Variants in CYRIA observed in about 807,000 individuals in gnomAD.
The protein encoded by CYRIA is CYFIP related Rac1 interactor A.
In CYRIA, 15 loss-of-function variants were observed where a neutral mutation model predicts 43.9. The observed-to-expected ratio is 0.34, with a 90% CI of 0.23 to 0.53. The LOEUF (loss-of-function observed/expected upper bound fraction) is 0.53. CYRIA is among the 20% of genes least tolerant of loss of function. The pLI is 0.94. For missense variants in CYRIA, 236 were observed against 394.2 expected (o/e 0.60, Z 3.40); for synonymous variants, 117 against 136.0 (o/e 0.86, Z 0.97).
intron 1 of CYRIA, among the ~76,000 whole-genome samples, chr2:16,651,170 C>T (rs1264579299): frequency 6.6e-6 from 1 of 152,140 alleles, no homozygotes; most frequent in Non-Finnish European, 1.5e-5. Flanking sequence ...CATGACAATT[C>T]ACACCTTTGG....
In CYRIA at chr2:16,609,935, C is replaced by T. The variant is rs1668534373; in HGVS notation, c.-11+13929G>A. Among the ~76,000 whole-genome samples the T allele has an allele frequency of 5.9e-5, 9 of 152,306 alleles. No individual in the cohort carries two copies. The South Asian group carries it at 1.9e-3, about 32-fold the overall frequency. On this transcript the variant is annotated intron_variant, in intron 2 of 11. Coordinates refer to ENST00000381323, the MANE Select transcript of CYRIA (RefSeq NM_030797.4). Reference sequence around the variant, plus strand: ...TCTGAGTGTGGTCTGCCCAGAAGGACTGCATCTCGCTTCCATCTGGACACT... The same window carrying T: ...TCTGAGTGTGGTCTGCCCAGAAGGATTGCATCTCGCTTCCATCTGGACACT...
rs1399882607 is a variant in CYRIA at position 16,549,655 on chromosome 2, C to A, written c.*3281G>T. The A allele has an allele frequency of 6.6e-6, 1 of 152,008 alleles. No homozygotes were observed. Among genetic ancestry groups the A allele is most frequent in the Non-Finnish European group, 1.5e-5 (1 of 68,006 alleles). 9.4% of individuals were successfully genotyped at this position (152,008 alleles called of 1,614,324 possible). ...TTCCAAGGTTTTGAACTCTTTAAGA[C>A]AAAATTCCAATGTTTATTACTAACA... On this transcript the variant is annotated 3_prime_UTR_variant, in exon 12 of 12. Coordinates refer to ENST00000381323, the MANE Select transcript of CYRIA (RefSeq NM_030797.4).
intron 1 of CYRIA, among the ~76,000 whole-genome samples, chr2:16,644,751 C>T (rs1669772081): frequency 2.0e-5 from 3 of 152,158 alleles, no homozygotes; most frequent in Admixed American, 2.0e-4. Context: ...ACTGCGCATG[C>T]CTTCCTTCTT....
intron 2 of CYRIA, among the ~76,000 whole-genome samples, chr2:16,613,008 T>A (rs1668658214): frequency 6.6e-6 from 1 of 152,332 alleles, no homozygotes; most frequent in Admixed American, 6.5e-5. Flanking sequence ...CCGTGTAAGA[T>A]GTGACTTTGC....
At chr2:16,577,886 C>G (rs980133588) in intron 3 of CYRIA, among the ~76,000 whole-genome samples, 6 of 152,242 alleles carry the variant, frequency 3.9e-5, no homozygotes, top group Non-Finnish European at 7.3e-5. Flanking sequence ...GTGTGGCCAT[C>G]TATGACTGCG....
chr2:16,564,363 T>C (rs1391170637), intron 4 of CYRIA, among the ~76,000 whole-genome samples: 2 of 152,112 alleles, frequency 1.3e-5, no homozygotes, highest in Non-Finnish European at 1.5e-5. Flanking sequence ...CACATCTAAA[T>C]TGGAAGAAAC....
At chr2:16,579,769 A>T (rs564636899) in intron 3 of CYRIA, among the ~76,000 whole-genome samples, 3 of 152,290 alleles carry the variant, frequency 2.0e-5, no homozygotes, top group Admixed American at 6.5e-5. Flanking sequence ...ACATGAAGAA[A>T]AAAAGAAGGC....
chr2:16,622,066 G>A (rs1669014925), intron 2 of CYRIA, among the ~76,000 whole-genome samples: 1 of 152,160 alleles, frequency 6.6e-6, no homozygotes, highest in African/African-American at 2.4e-5. Flanking sequence ...AAGCTAACAG[G>A]CAAGGAAGAA....
chr2:16,562,106 A>T lies in CYRIA; in HGVS notation c.334T>A (p.Cys112Ser), dbSNP rs1666755958. 1 of 1,612,708 alleles carries T rather than the reference A, an allele frequency of 6.2e-7. No individual in the cohort carries two copies. Among genetic ancestry groups the T allele is most frequent in the Admixed American group, 1.7e-5 (1 of 59,892 alleles). Residue 112 changes from cysteine to serine, a missense_variant, in exon 6 of 12, where the codon TGT becomes AGT. By Grantham distance (112) the Cys-to-Ser change is moderately radical. Around this residue, in one of 3 missense-constraint regions of CYRIA, gnomAD observed 193 missense variants for 303.9 expected, o/e 0.64. Transcript: ENST00000381323. ...TGTTGGGTTGGTGTGTAGGGTGGAC[A>T]AGTCAGAGATTCCAATAAACTCTGA... Reference protein sequence around the residue: ...ALQSLLESLTCPPYTPTQHLE... With the variant: ...ALQSLLESLTSPPYTPTQHLE...
chr2:16,618,488 T>C (rs1173254916), intron 2 of CYRIA, among the ~76,000 whole-genome samples: 1 of 151,960 alleles, frequency 6.6e-6, no homozygotes, highest in Non-Finnish European at 1.5e-5. Context: ...GAAGAACAAA[T>C]AGGGCCCCTA....
At chr2:16,641,225 A>T (rs931611404) in intron 1 of CYRIA, among the ~76,000 whole-genome samples, 2 of 152,124 alleles carry the variant, frequency 1.3e-5, no homozygotes, top group African/African-American at 4.8e-5. Flanking sequence ...TCCACTGACT[A>T]AGAAATAAAG....
intron 1 of CYRIA, among the ~76,000 whole-genome samples, chr2:16,649,688 A>G (rs1212928994): frequency 6.6e-6 from 1 of 151,174 alleles, no homozygotes; most frequent in Non-Finnish European, 1.5e-5. Context: ...TACAGGACAC[A>G]GTTGTACAGT....
chr2:16,563,014 T>C (rs576266582), intron 5 of CYRIA, among the ~76,000 whole-genome samples: 40 of 152,280 alleles, frequency 2.6e-4, no homozygotes, highest in Non-Finnish European at 4.9e-4. Flanking sequence ...TTTTATAGCA[T>C]TTCTACCGGG....
At chr2:16,631,211 T>C (rs1048637263) in intron 1 of CYRIA, among the ~76,000 whole-genome samples, 3 of 152,238 alleles carry the variant, frequency 2.0e-5, no homozygotes, top group Non-Finnish European at 2.9e-5. Context: ...ATCTCCACCA[T>C]TGAGTGGAAA....
intron 2 of CYRIA, among the ~76,000 whole-genome samples, chr2:16,617,490 G>A (rs74524837): frequency 0.012 from 1,845 of 152,340 alleles, 37 homozygotes; most frequent in African/African-American, 0.042. Flanking sequence ...CAAAGACAGG[G>A]TTGGAAGAAG....
chr2:16,573,289 A>T (rs1213224306), intron 3 of CYRIA, among the ~76,000 whole-genome samples: 1 of 152,256 alleles, frequency 6.6e-6, no homozygotes, highest in African/African-American at 2.4e-5. Context: ...TTTGCAGAAG[A>T]AAACTACCAA....
chr2:16,648,025 A>C (rs1356834564), intron 1 of CYRIA, among the ~76,000 whole-genome samples: 11 of 152,184 alleles, frequency 7.2e-5, no homozygotes, highest in Admixed American at 7.2e-4. Context: ...TCACCTCATT[A>C]AATCCTCACA....
chr2:16,591,869 C>T (rs1020340298), intron 2 of CYRIA, among the ~76,000 whole-genome samples: 14 of 152,076 alleles, frequency 9.2e-5, no homozygotes, highest in African/African-American at 3.4e-4. Context: ...TTTAGACACA[C>T]ACACATATAC....
intron 3 of CYRIA, among the ~76,000 whole-genome samples, chr2:16,570,057 AT>A (rs566476378): frequency 6.6e-6 from 1 of 152,142 alleles, no homozygotes. Context: ...ACACGAAGAA[AT>A]TGGTAAGATG....
Sources: gnomAD v4.1 joint callset for allele counts (sites outside exome capture counted in the v4.1 genomes callset) on GRCh38, gnomAD v4.1.1 for gene constraint, gnomAD v4.1.1 regional missense constraint, MANE v1.5 for transcripts, NCBI Gene and HGNC (gene_info 2026-07-23, HGNC 2026-07-21) for gene names.